The following LIN52 variants were observed in gnomAD, a reference collection of about 807,000 sequenced individuals.
LIN52 encodes the protein lin-52 DREAM MuvB core complex component, also known as protein lin-52 homolog.
In LIN52, 4 loss-of-function variants were observed where a neutral mutation model predicts 18.5. That is an observed-to-expected ratio of 0.22 (90% CI 0.11 to 0.49). LIN52 has a LOEUF of 0.49. Ranked by LOEUF, LIN52 falls within the 20% of genes least tolerant of loss-of-function variation. The pLI is 0.97. For synonymous variants in LIN52, 34 were observed against 45.5 expected, an observed-to-expected ratio of 0.75 and a Z score of 1.02; for missense variants, 102 against 139.5, an observed-to-expected ratio of 0.73 and a Z score of 1.35.
chr14:74,147,826 G>A (rs565953359), intron 5 of LIN52, among the ~76,000 whole-genome samples: 2 of 152,268 alleles, frequency 1.3e-5, no homozygotes, highest in Non-Finnish European at 2.9e-5. Context: ...GAATGGGGGA[G>A]TATTGTTTAA....
intron 5 of LIN52, among the ~76,000 whole-genome samples, chr14:74,196,718 C>CAT (rs1566872691): frequency 6.6e-6 from 1 of 152,120 alleles, no homozygotes; most frequent in African/African-American, 2.4e-5. Context: ...CATTCATTCA[C>CAT]TCACTCAGAA....
chr14:74,105,814 T>G (rs1375992595), intron 5 of LIN52, among the ~76,000 whole-genome samples: 1 of 152,222 alleles, frequency 6.6e-6, no homozygotes. Context: ...AAAAAATATT[T>G]GTCCTCAAAA....
At chr14:74,128,964 A>AAAACG (rs1304395211) in intron 5 of LIN52, among the ~76,000 whole-genome samples, 1 of 152,124 alleles carries the variant, frequency 6.6e-6, no homozygotes, top group African/African-American at 2.4e-5. Flanking sequence ...AAAACAAAAC[A>AAAACG]AAAACAACAA....
At chr14:74,169,757 C>T (rs2061263158) in intron 5 of LIN52, among the ~76,000 whole-genome samples, 1 of 152,138 alleles carries the variant, frequency 6.6e-6, no homozygotes, top group Non-Finnish European at 1.5e-5. Context: ...AAAATTAGAG[C>T]TTATATTATG....
intron 5 of LIN52, among the ~76,000 whole-genome samples, chr14:74,162,788 C>T (rs1017060234): frequency 2.6e-5 from 4 of 151,924 alleles, no homozygotes; most frequent in South Asian, 2.1e-4. Flanking sequence ...CTCTTTTTAA[C>T]GACATTGAGC....
intron 5 of LIN52, among the ~76,000 whole-genome samples, chr14:74,188,458 A>G (rs564874570): frequency 1.2e-4 from 18 of 152,006 alleles, no homozygotes; most frequent in African/African-American, 3.1e-4. Context: ...AAAAAGTTCT[A>G]TATTTCTGTG....
At chr14:74,115,338 T>C (rs2033681041) in intron 5 of LIN52, among the ~76,000 whole-genome samples, 1 of 152,210 alleles carries the variant, frequency 6.6e-6, no homozygotes, top group Non-Finnish European at 1.5e-5. Context: ...TTTCTTCTAT[T>C]GTGAAGGCGA....
intron 5 of LIN52, among the ~76,000 whole-genome samples, chr14:74,103,119 C>T (rs1299988239): frequency 6.6e-6 from 1 of 152,190 alleles, no homozygotes; most frequent in African/African-American, 2.4e-5. Context: ...TACTCTGTGG[C>T]CCAGGCTGGA....
chr14:74,168,290 C>T (rs1595183074), intron 5 of LIN52, among the ~76,000 whole-genome samples: 1 of 152,250 alleles, frequency 6.6e-6, no homozygotes, highest in Non-Finnish European at 1.5e-5. Context: ...TTACAGTCCT[C>T]TCTGTTATAA....
chr14:74,151,121 A>G (rs770242724), intron 5 of LIN52, among the ~76,000 whole-genome samples: 5 of 152,186 alleles, frequency 3.3e-5, no homozygotes, highest in African/African-American at 4.8e-5. Flanking sequence ...GATGAATGTG[A>G]TTCAGTAGAT....
intron 5 of LIN52, among the ~76,000 whole-genome samples, chr14:74,143,611 G>GT (rs60197202): frequency 0.77 from 116,597 of 150,814 alleles, 45,357 homozygotes; most frequent in Non-Finnish European, 0.81. Flanking sequence ...TTACTGTGAA[G>GT]TTTTTTTTTA....
intron 5 of LIN52, among the ~76,000 whole-genome samples, chr14:74,165,513 C>CTTTTTTTTTTTTTTT (rs71460962): frequency 0.01 from 1,103 of 110,018 alleles, 120 homozygotes; most frequent in African/African-American, 0.017. Flanking sequence ...GTTTTCTTTT[C>CTTTTTTTTTTTTTTT]TTTTTTTTTT....
At chr14:74,115,301 C>G (rs2060958210) in intron 5 of LIN52, among the ~76,000 whole-genome samples, 1 of 152,150 alleles carries the variant, frequency 6.6e-6, no homozygotes, top group African/African-American at 2.4e-5. Context: ...ACTTGATAGG[C>G]AAAATATTGT....
rs138920707 is a variant in LIN52, at chr14:74,186,164, A to G, written c.284-12758A>G. On this transcript the variant is annotated intron_variant, in intron 5 of 5. Coordinates refer to ENST00000555028, the MANE Select transcript of LIN52 (RefSeq NM_001024674.3). ...AAATTAGCCAGGCATGGTGGCTCAC[A>G]CCTGTAATCCCAGCTACTTGGGAAG... Among the ~76,000 whole-genome samples, 957 of 151,914 alleles carry G rather than the reference A, an allele frequency of 6.3e-3. 11 individuals are homozygous for G. Among genetic ancestry groups the G allele is most frequent in the African/African-American group, 0.022 (911 of 41,418 alleles).
intron 5 of LIN52, among the ~76,000 whole-genome samples, chr14:74,107,834 A>G (rs1188077161): frequency 2.6e-5 from 4 of 152,074 alleles, no homozygotes; most frequent in Non-Finnish European, 5.9e-5. Context: ...ACCCTGATAC[A>G]TTTGGTTTTT....
At chr14:74,130,831 C>T (rs1335282651) in intron 5 of LIN52, among the ~76,000 whole-genome samples, 11 of 152,016 alleles carry the variant, frequency 7.2e-5, no homozygotes, top group Admixed American at 7.2e-4. Flanking sequence ...AGTGATCCAC[C>T]CGCCTTGGCC....
intron 5 of LIN52, among the ~76,000 whole-genome samples, chr14:74,125,041 GAATA>G (rs982305006): frequency 1.3e-5 from 2 of 152,114 alleles, no homozygotes; most frequent in African/African-American, 4.8e-5. Context: ...CCAGTATCCA[GAATA>G]AATAAAGAAC....
intron 5 of LIN52, among the ~76,000 whole-genome samples, chr14:74,136,687 G>A (rs72725969): frequency 4.4e-3 from 667 of 152,276 alleles, no homozygotes; most frequent in Non-Finnish European, 8.1e-3. Flanking sequence ...TGTATCTACT[G>A]TTCTTTGAAA....
intron 5 of LIN52, among the ~76,000 whole-genome samples, chr14:74,151,225 T>A (rs910265053): frequency 2.0e-5 from 3 of 152,204 alleles, no homozygotes; most frequent in African/African-American, 7.2e-5. Flanking sequence ...CATACTGGGA[T>A]AATTAGACCA....
Sources: gnomAD v4.1 joint callset for allele counts (sites outside exome capture counted in the v4.1 genomes callset) on GRCh38, gnomAD v4.1.1 for gene constraint, MANE v1.5 for transcripts, NCBI Gene and HGNC (gene_info 2026-07-23, HGNC 2026-07-21) for gene names.